The following PCDHGA2 variants were observed in gnomAD, a reference collection of about 807,000 sequenced individuals.
PCDHGA2 encodes the protein protocadherin gamma-A2.
PCDHGA2 carries 40 observed loss-of-function variants against 59.2 expected under a neutral mutation model. That is an observed-to-expected ratio of 0.68 (90% CI 0.52 to 0.88). The LOEUF is 0.88. PCDHGA2 is among the 40% of genes least tolerant of loss of function. PCDHGA2 has a pLI of 0.00. For synonymous variants in PCDHGA2, 560 were observed against 526.0 expected (o/e 1.06, Z -0.89); for missense variants, 1,226 against 1,204.0 (o/e 1.02, Z -0.27).
At position 141,487,370 on chromosome 5, in the gene PCDHGA2, T is replaced by C; in HGVS notation, c.2425-7437T>C. 6.2e-7 allele frequency: 1 copy of C among 1,614,232 alleles called. No individual in the cohort carries two copies. Among genetic ancestry groups the C allele is most frequent in the South Asian group, 1.1e-5 (1 of 91,080 alleles). On this transcript the variant is annotated intron_variant, in intron 1 of 3. Transcript: ENST00000394576. The surrounding 1 kb of genome is among the most constrained non-coding windows in gnomAD (Gnocchi z 5.0). ...ATGCTTTCCTGCTGGCACCTGTGCC[T>C]GTCTCACCAGATCTCGAAGGAGGGA... is the stretch of plus-strand genomic sequence containing the variant.
intron 1 of PCDHGA2, chr5:141,345,660 A>G (rs755723564): frequency 1.2e-6 from 2 of 1,614,210 alleles, no homozygotes; most frequent in Non-Finnish European, 8.5e-7. Flanking sequence ...CCCTCCACTC[A>G]GCAGCAACGT....
rs372043756 is a variant in PCDHGA2 at position 141,476,212 on chromosome 5, C to G, written c.2425-18595C>G. ...GTGCCTTGAACAAGGCTTCCACGGT[C>G]ATTCACTATGAGATCCCGGAGGAAA... On this transcript the variant is annotated intron_variant, in intron 1 of 3. Coordinates refer to ENST00000394576, the MANE Select transcript of PCDHGA2 (RefSeq NM_018915.4). The surrounding 1 kb of genome is among the most constrained non-coding windows in gnomAD (Gnocchi z 7.6). 6 of 1,613,932 alleles carry G rather than the reference C, an allele frequency of 3.7e-6. No individual in the cohort carries two copies. The highest frequency in any genetic ancestry group is 5.1e-6 in the Non-Finnish European group (6 of 1,180,012).
At chr5:141,481,024 C>CTGGA (rs1200299352) in intron 1 of PCDHGA2, among the ~76,000 whole-genome samples, 3 of 152,122 alleles carry the variant, frequency 2.0e-5, no homozygotes, top group Admixed American at 1.3e-4. Flanking sequence ...CACCACTGCA[C>CTGGA]TCCAGCCTGG....
intron 1 of PCDHGA2, chr5:141,405,042 T>C (rs765018710): frequency 1.2e-6 from 2 of 1,613,144 alleles, no homozygotes; most frequent in South Asian, 1.1e-5. Flanking sequence ...GTTGTGGCTG[T>C]GGCAGTCGTC....
chr5:141,351,592 T>G, intron 1 of PCDHGA2: 3 of 1,613,928 alleles, frequency 1.9e-6, no homozygotes, highest in Non-Finnish European at 1.7e-6. Context: ...TCAACGACAA[T>G]GCACCTGTTT....
intron 1 of PCDHGA2, chr5:141,414,204 T>C (rs748616910): frequency 1.2e-6 from 2 of 1,612,266 alleles, no homozygotes; most frequent in East Asian, 2.2e-5. Flanking sequence ...CAGTAGAAGA[T>C]GTAAATGACA....
At chr5:141,441,862 G>A (rs2098280399) in intron 1 of PCDHGA2, 3 of 342,456 alleles carry the variant, frequency 8.8e-6, no homozygotes, top group Non-Finnish European at 1.1e-5. Context: ...GCTGCACGCC[G>A]CGGAGCCTGG....
chr5:141,362,525 G>T lies in PCDHGA2; in HGVS notation c.2424+21130G>T, dbSNP rs201960802. ...CAAAATACAAATCATGGAGCCGCTG[G>T]GGTCCCTTTTGCCTCAGATACTATT... On this transcript the variant is annotated intron_variant, in intron 1 of 3. Transcript: ENST00000394576. 422 of 1,613,832 alleles carry T rather than the reference G, an allele frequency of 2.6e-4. 1 individual carries two copies. The highest frequency in any genetic ancestry group is 3.3e-4 in the Non-Finnish European group (391 of 1,179,896).
In PCDHGA2 at chr5:141,340,754, G is replaced by A. The variant is rs61749034; in HGVS notation, c.1783G>A (p.Asp595Asn). ...CCTGGTGACCAAGGTGGTGGCGGTG[G>A]ACAGAGACTCGGGCCAGAACGCCTG... is the stretch of plus-strand genomic sequence containing the variant. ...GYLVTKVVAV[D>N]RDSGQNAWLS... Residue 595 changes from aspartate (D) to asparagine (N), a missense_variant, in exon 1 of 4, where the codon GAC (aspartate) becomes AAC (asparagine). By Grantham distance (23) the Asp-to-Asn change is conservative. Transcript: ENST00000394576. 783 of 1,613,978 alleles carry A rather than the reference G, an allele frequency of 4.9e-4. 3 individuals carry two copies. The African/African-American group carries it at 9.3e-3, about 19-fold the overall frequency.
At chr5:141,355,088 C>T (rs1759711689) in intron 1 of PCDHGA2, 2 of 1,465,708 alleles carry the variant, frequency 1.4e-6, no homozygotes, top group Admixed American at 2.5e-5. Flanking sequence ...AAGCGGAAGC[C>T]CTGAGAGCTC....
chr5:141,438,599 T>C (rs1320902737), intron 1 of PCDHGA2, among the ~76,000 whole-genome samples: 17 of 32,510 alleles, frequency 5.2e-4, no homozygotes, highest in African/African-American at 6.7e-4. Flanking sequence ...TACATATATA[T>C]ATATATATAT....
At chr5:141,437,345 A>T (rs1018513998) in intron 1 of PCDHGA2, among the ~76,000 whole-genome samples, 2 of 152,252 alleles carry the variant, frequency 1.3e-5, no homozygotes, top group Non-Finnish European at 2.9e-5. Context: ...TCACTGTTTT[A>T]TAGTACCTAA....
At chr5:141,375,540 A>C in intron 1 of PCDHGA2, 1 of 1,613,910 alleles carries the variant, frequency 6.2e-7, no homozygotes, top group Non-Finnish European at 8.5e-7. Flanking sequence ...CAGAACGCCC[A>C]AGTCTCCTAC....
chr5:141,400,072 C>G (rs1469206078), intron 1 of PCDHGA2: 1 of 1,613,934 alleles, frequency 6.2e-7, no homozygotes, highest in Non-Finnish European at 8.5e-7. Context: ...TGGACAGCCG[C>G]CACTCTCCGC....
Position 141,431,264 on chromosome 5 carries a change from A to T in PCDHGA2, c.2425-63543A>T. The T allele has an allele frequency of 6.2e-7, 1 of 1,614,170 alleles. No individual in the cohort carries two copies. On this transcript the variant is annotated intron_variant, in intron 1 of 3. Coordinates refer to ENST00000394576, the MANE Select transcript of PCDHGA2 (RefSeq NM_018915.4). This position sits in a 1 kb window ranked among gnomAD's most constrained non-coding sequence, Gnocchi z 4.8. ...GGATATCGGGAAGAACTCTCTGCAG[A>T]GCTACGAGCTCAGCCCGAACACTCA...
At chr5:141,355,236 G>T (rs758078780) in intron 1 of PCDHGA2, 1 of 1,612,186 alleles carries the variant, frequency 6.2e-7, no homozygotes, top group Non-Finnish European at 8.5e-7. Flanking sequence ...ACCACACCCG[G>T]CTGCTCCAGA....
At chr5:141,371,633 G>C in intron 1 of PCDHGA2, 1 of 1,614,040 alleles carries the variant, frequency 6.2e-7, no homozygotes, top group Non-Finnish European at 8.5e-7. Context: ...TGGACCGGGA[G>C]CAGATCCCAG....
chr5:141,421,567 A>G (rs1202908091), intron 1 of PCDHGA2: 27 of 1,613,972 alleles, frequency 1.7e-5, no homozygotes, highest in Non-Finnish European at 2.2e-5. Context: ...CGTGGAAGAC[A>G]CCTTGAAGAT....
At position 141,485,348 on chromosome 5, in the gene PCDHGA2, C is replaced by A; in HGVS notation, c.2425-9459C>A. ...AGATTTCCTGCTGGATACGGACAGT[C>A]TGTCAGCTCGCAGGCTGCAGGTCGC... On this transcript the variant is annotated intron_variant, in intron 1 of 3. Coordinates refer to ENST00000394576, the MANE Select transcript of PCDHGA2 (RefSeq NM_018915.4). This position sits in a 1 kb window ranked among gnomAD's most constrained non-coding sequence, Gnocchi z 5.7. 6.2e-7 allele frequency: 1 copy of A among 1,614,146 alleles called. No individual in the cohort carries two copies. Among genetic ancestry groups the A allele is most frequent in the Non-Finnish European group, 8.5e-7 (1 of 1,180,008 alleles).
Sources: allele counts gnomAD v4.1 joint callset (sites outside exome capture counted in the v4.1 genomes callset), GRCh38; gene constraint gnomAD v4.1.1; non-coding constraint Gnocchi (gnomAD v3.1); transcripts MANE v1.5; gene names NCBI Gene and HGNC (gene_info 2026-07-23, HGNC 2026-07-21).